Variants in UMAD1 observed in about 807,000 individuals in gnomAD.
UMAD1 encodes UBAP1-MVB12-associated (UMA)-domain containing protein 1.
In UMAD1, 8 loss-of-function variants were observed where a neutral mutation model predicts 6.1. The observed-to-expected ratio is 1.30, with a 90% CI of 0.76 to 2.35. UMAD1 has a LOEUF of 2.35. Ranked by LOEUF, UMAD1 falls within the 30% of genes most tolerant of loss-of-function variation. The pLI is 0.00. For missense variants in UMAD1, 130 were observed against 78.4 expected, an observed-to-expected ratio of 1.66 and a Z score of -2.49; for synonymous variants, 56 against 31.4, an observed-to-expected ratio of 1.78 and a Z score of -2.61.
intron 2 of UMAD1, among the ~76,000 whole-genome samples, chr7:7,750,484 C>A (rs79404276): frequency 4.4e-4 from 67 of 152,308 alleles, no homozygotes; most frequent in African/African-American, 1.5e-3. Context: ...TAAAACTCCA[C>A]TCCAATTAGA....
intron 2 of UMAD1, among the ~76,000 whole-genome samples, chr7:7,745,448 G>T (rs1391560587): frequency 6.6e-6 from 1 of 152,158 alleles, no homozygotes; most frequent in Non-Finnish European, 1.5e-5. Context: ...AAAGGCCTCT[G>T]TGCTGGCCAA....
chr7:7,771,838 T>C (rs1782109751), intron 2 of UMAD1, among the ~76,000 whole-genome samples: 2 of 152,124 alleles, frequency 1.3e-5, no homozygotes, highest in African/African-American at 4.8e-5. Flanking sequence ...AGGTTACCCA[T>C]AGGAGGTGTG....
At chr7:7,832,138 G>A (rs1330516341) in intron 3 of UMAD1, among the ~76,000 whole-genome samples, 1 of 152,184 alleles carries the variant, frequency 6.6e-6, no homozygotes, top group East Asian at 1.9e-4. Context: ...GAATATTGAA[G>A]AATTGCTTTT....
At chr7:7,787,242 G>A (rs1782478396) in intron 2 of UMAD1, among the ~76,000 whole-genome samples, 1 of 151,956 alleles carries the variant, frequency 6.6e-6, no homozygotes, top group Non-Finnish European at 1.5e-5. Flanking sequence ...CAGGTTTAAA[G>A]TATATAAACC....
intron 1 of UMAD1, among the ~76,000 whole-genome samples, chr7:7,662,514 G>T (rs776965923): frequency 6.6e-6 from 1 of 152,172 alleles, no homozygotes; most frequent in Non-Finnish European, 1.5e-5. Flanking sequence ...ATCCGGACCG[G>T]AGTGCACTGT....
intron 2 of UMAD1, among the ~76,000 whole-genome samples, chr7:7,685,082 A>G (rs1024612180): frequency 6.6e-6 from 1 of 152,200 alleles, no homozygotes; most frequent in Non-Finnish European, 1.5e-5. Flanking sequence ...TATATTAAAG[A>G]TATAGATAAT....
intron 2 of UMAD1, among the ~76,000 whole-genome samples, chr7:7,708,637 C>T (rs559890413): frequency 6.6e-6 from 1 of 152,270 alleles, no homozygotes; most frequent in South Asian, 2.1e-4. Flanking sequence ...GAAGCAAATT[C>T]CATTAAAGTA....
intron 3 of UMAD1, among the ~76,000 whole-genome samples, chr7:7,873,680 T>C (rs10255556): frequency 0.64 from 97,638 of 152,012 alleles, 31,827 homozygotes; most frequent in African/African-American, 0.73. Flanking sequence ...TATTTCTTGA[T>C]GGCCTCTGTT....
At chr7:7,867,402 A>G (rs947809101) in intron 3 of UMAD1, among the ~76,000 whole-genome samples, 2 of 152,208 alleles carry the variant, frequency 1.3e-5, no homozygotes, top group African/African-American at 4.8e-5. Flanking sequence ...GGAAGAGTAA[A>G]GGAACAGAAA....
chr7:7,799,835 A>G (rs1782762807), intron 2 of UMAD1, among the ~76,000 whole-genome samples: 1 of 152,216 alleles, frequency 6.6e-6, no homozygotes, highest in Non-Finnish European at 1.5e-5. Flanking sequence ...GTTTTTACAA[A>G]CACGTATGCT....
intron 2 of UMAD1, 129 bp from the exon 3 acceptor site, chr7:7,801,541 A>C: frequency 1.7e-6 from 1 of 592,602 alleles, no homozygotes; most frequent in South Asian, 2.2e-5. Context: ...ACTTTGAAAC[A>C]AGGGAAATAG....
rs569797169 is a variant in UMAD1, at chr7:7,711,034, G to C, written c.82+37581G>C. Among the ~76,000 whole-genome samples, 4 of 152,316 alleles carry C rather than the reference G, an allele frequency of 2.6e-5. No individual in the cohort carries two copies. In the South Asian group the frequency reaches 8.3e-4, roughly 32 times the overall value. On this transcript the variant is annotated intron_variant, in intron 2 of 3. Coordinates refer to ENST00000682710, the MANE Select transcript of UMAD1 (RefSeq NM_001302348.2). ...GAAATCATTGGTCGCCGGTGGGTAA[G>C]GATGGGGTGAAAGTTAGAGGCAAGT...
At chr7:7,660,105 A>T (rs1785437783) in intron 1 of UMAD1, among the ~76,000 whole-genome samples, 1 of 152,182 alleles carries the variant, frequency 6.6e-6, no homozygotes, top group Admixed American at 6.5e-5. Context: ...CTGTTTTATC[A>T]GAGACTACGA....
intron 2 of UMAD1, among the ~76,000 whole-genome samples, chr7:7,757,940 G>A (rs1781810084): frequency 6.6e-6 from 1 of 152,180 alleles, no homozygotes; most frequent in Non-Finnish European, 1.5e-5. Context: ...TTTGTCTAGA[G>A]TGGAAGTTTT....
intron 2 of UMAD1, among the ~76,000 whole-genome samples, chr7:7,759,169 A>C (rs909353125): frequency 6.6e-6 from 1 of 152,190 alleles, no homozygotes; most frequent in Non-Finnish European, 1.5e-5. Flanking sequence ...TTACTCTGAC[A>C]TGAGAAACTT....
chr7:7,690,103 A>G (rs1343610100), intron 2 of UMAD1, among the ~76,000 whole-genome samples: 1 of 152,172 alleles, frequency 6.6e-6, no homozygotes, highest in Non-Finnish European at 1.5e-5. Context: ...GGAACGTATT[A>G]CTGATATTAG....
intron 2 of UMAD1, among the ~76,000 whole-genome samples, chr7:7,744,966 C>T (rs1781543582): frequency 6.6e-6 from 1 of 152,150 alleles, no homozygotes; most frequent in African/African-American, 2.4e-5. Context: ...TTTGACTCCC[C>T]CAAAGCTTAA....
At chr7:7,864,899 T>A (rs1784198099) in intron 3 of UMAD1, among the ~76,000 whole-genome samples, 1 of 152,074 alleles carries the variant, frequency 6.6e-6, no homozygotes, top group South Asian at 2.1e-4. Context: ...GGCCAATGAT[T>A]TTTATGCCTA....
intron 2 of UMAD1, among the ~76,000 whole-genome samples, chr7:7,780,476 T>C (rs1310415721): frequency 6.6e-6 from 1 of 152,256 alleles, no homozygotes; most frequent in Non-Finnish European, 1.5e-5. Context: ...AAGTCATTAA[T>C]TTTTAAAAAC....
Sources: gnomAD v4.1 joint callset for allele counts (sites outside exome capture counted in the v4.1 genomes callset) on GRCh38, gnomAD v4.1.1 for gene constraint, MANE v1.5 for transcripts, NCBI Gene and HGNC (gene_info 2026-07-23, HGNC 2026-07-21) for gene names.